AUTS2: variants seen among roughly 807,000 people sequenced by gnomAD.
AUTS2 encodes the protein autism susceptibility gene 2 protein.
A neutral mutation model predicts 112.4 loss-of-function variants in AUTS2; 17 were observed. The ratio of observed to expected loss-of-function variants is 0.15; its 90% CI spans 0.10 to 0.23. AUTS2 has a LOEUF of 0.23. Ranked by LOEUF, AUTS2 falls within the 10% of genes least tolerant of loss-of-function variation. AUTS2 has a pLI of 1.00. For synonymous variants in AUTS2, 751 were observed against 702.7 expected, an observed-to-expected ratio of 1.07 and a Z score of -1.09; for missense variants, 1,510 against 1,701.6, an observed-to-expected ratio of 0.89 and a Z score of 1.98.
chr7:69,621,019 GTACTT>G (rs1793629377), intron 1 of AUTS2, among the ~76,000 whole-genome samples: 1 of 152,260 alleles, frequency 6.6e-6, no homozygotes, highest in African/African-American at 2.4e-5. Flanking sequence ...GGACATGAAA[GTACTT>G]AATTGTCAAC....
At chr7:70,147,690 A>G (rs543351747) in intron 4 of AUTS2, among the ~76,000 whole-genome samples, 1 of 152,262 alleles carries the variant, frequency 6.6e-6, no homozygotes, top group South Asian at 2.1e-4. Flanking sequence ...TTTAGCATAT[A>G]AGCCTTTTAA....
chr7:70,383,444 T>C (rs1196328599), intron 4 of AUTS2, among the ~76,000 whole-genome samples: 2 of 152,202 alleles, frequency 1.3e-5, no homozygotes, highest in Non-Finnish European at 2.9e-5. Flanking sequence ...ATGCCCCCAT[T>C]GCCTGTAAGA....
At chr7:70,476,246 A>G (rs969910711) in intron 5 of AUTS2, among the ~76,000 whole-genome samples, 3 of 152,046 alleles carry the variant, frequency 2.0e-5, no homozygotes, top group Non-Finnish European at 4.4e-5. Context: ...AGGACAAATG[A>G]TTCGTCCAGT....
chr7:69,923,764 T>C (rs957253316), intron 2 of AUTS2, among the ~76,000 whole-genome samples: 1 of 152,232 alleles, frequency 6.6e-6, no homozygotes, highest in Non-Finnish European at 1.5e-5. Context: ...TATCAATATG[T>C]AGAAATTCAC....
At chr7:69,726,268 T>C (rs1035790205) in intron 1 of AUTS2, among the ~76,000 whole-genome samples, 1 of 152,240 alleles carries the variant, frequency 6.6e-6, no homozygotes, top group Non-Finnish European at 1.5e-5. Flanking sequence ...TTGCCTGTTC[T>C]TGAATTTCAT....
At chr7:70,699,792 G>T (rs1809345388) in intron 6 of AUTS2, among the ~76,000 whole-genome samples, 1 of 152,166 alleles carries the variant, frequency 6.6e-6, no homozygotes, top group African/African-American at 2.4e-5. Context: ...CCCAATAAAA[G>T]AAGATGTGTG....
chr7:70,554,357 C>T (rs1452451416), intron 5 of AUTS2, among the ~76,000 whole-genome samples: 1 of 150,258 alleles, frequency 6.7e-6, no homozygotes, highest in Non-Finnish European at 1.5e-5. Flanking sequence ...GCGTGAGCCA[C>T]TGTGCCCGGC....
chr7:69,891,752 C>A (rs147700527), intron 1 of AUTS2, among the ~76,000 whole-genome samples: 4,200 of 83,094 alleles, frequency 0.051, 82 homozygotes, highest in Middle Eastern at 0.22. Context: ...TTTATGTATT[C>A]ATTCACTTTC....
intron 4 of AUTS2, among the ~76,000 whole-genome samples, chr7:70,224,388 A>G (rs886179122): frequency 1.1e-4 from 16 of 149,754 alleles, no homozygotes; most frequent in Non-Finnish European, 2.4e-4. Context: ...ACAATACAAT[A>G]CAATACAATA....
At chr7:70,673,180 T>C (rs1807734952) in intron 5 of AUTS2, among the ~76,000 whole-genome samples, 1 of 152,112 alleles carries the variant, frequency 6.6e-6, no homozygotes, top group Non-Finnish European at 1.5e-5. Flanking sequence ...AGTTGGCCCA[T>C]ATGCCCCCCA....
intron 1 of AUTS2, among the ~76,000 whole-genome samples, chr7:69,630,724 A>G (rs188226356): frequency 5.9e-5 from 9 of 152,294 alleles, no homozygotes; most frequent in African/African-American, 1.2e-4. Context: ...GAGTTAAACT[A>G]TATTAGTTTT....
chr7:69,911,019 C>T (rs1354997235), intron 2 of AUTS2, among the ~76,000 whole-genome samples: 2 of 152,228 alleles, frequency 1.3e-5, no homozygotes, highest in Non-Finnish European at 2.9e-5. Flanking sequence ...CATTTGCCTC[C>T]CACTGGGTTC....
At chr7:70,653,958 T>C (rs1247888979) in intron 5 of AUTS2, among the ~76,000 whole-genome samples, 1 of 152,222 alleles carries the variant, frequency 6.6e-6, no homozygotes, top group East Asian at 1.9e-4. Context: ...GATAATATCA[T>C]CATCCTGCAG....
intron 5 of AUTS2, among the ~76,000 whole-genome samples, chr7:70,630,856 C>T (rs1214094858): frequency 2.0e-5 from 3 of 152,110 alleles, no homozygotes; most frequent in South Asian, 2.1e-4. Context: ...TTGCCTTTTA[C>T]GAAGAGCACT....
intron 1 of AUTS2, among the ~76,000 whole-genome samples, chr7:69,623,512 G>A (rs1793786679): frequency 6.6e-6 from 1 of 151,288 alleles, no homozygotes; most frequent in Non-Finnish European, 1.5e-5. Flanking sequence ...GATTATGGGT[G>A]TGAGACACTG....
intron 4 of AUTS2, among the ~76,000 whole-genome samples, chr7:70,287,826 AATT>A (rs1397082285): frequency 2.0e-5 from 3 of 151,976 alleles, no homozygotes. Flanking sequence ...AAAAAAAAAA[AATT>A]TTTTTTTAGC....
intron 4 of AUTS2, among the ~76,000 whole-genome samples, chr7:70,135,343 A>G (rs1380119496): frequency 1.3e-5 from 2 of 152,158 alleles, no homozygotes; most frequent in African/African-American, 4.8e-5. Flanking sequence ...ATAGGATAAC[A>G]TGTCAATGTA....
intron 2 of AUTS2, among the ~76,000 whole-genome samples, chr7:70,078,711 A>G (rs1803157586): frequency 6.6e-6 from 1 of 152,188 alleles, no homozygotes; most frequent in South Asian, 2.1e-4. Flanking sequence ...GAAAGGAAGG[A>G]GAATGTGGGG....
At chr7:69,954,063 ATAAT>A (rs1175755101) in intron 2 of AUTS2, among the ~76,000 whole-genome samples, 2 of 152,264 alleles carry the variant, frequency 1.3e-5, no homozygotes, top group African/African-American at 4.8e-5. Context: ...GGTATAGTTG[ATAAT>A]TAAAGTATTT....
Sources: allele counts gnomAD v4.1 joint callset (sites outside exome capture counted in the v4.1 genomes callset), GRCh38; gene constraint gnomAD v4.1.1; transcripts MANE v1.5; gene names NCBI Gene and HGNC (gene_info 2026-07-23, HGNC 2026-07-21).